AFF3: variants seen among roughly 807,000 people sequenced by gnomAD.
The protein encoded by AFF3 is AF4/FMR2 family member 3.
Under a neutral mutation model 129.7 loss-of-function variants are expected in AFF3, and 32 were observed. That is an observed-to-expected ratio of 0.25 (90% CI 0.19 to 0.33). The LOEUF is 0.33. Ranked by LOEUF, AFF3 falls within the 10% of genes least tolerant of loss-of-function variation. AFF3 has a pLI of 1.00. For synonymous variants in AFF3, 644 were observed against 635.4 expected (o/e 1.01, Z -0.20); for missense variants, 1,373 against 1,592.0 (o/e 0.86, Z 2.34).
At chr2:99,563,734 C>T (rs1214336103) in intron 20 of AFF3, among the ~76,000 whole-genome samples, 3 of 129,672 alleles carry the variant, frequency 2.3e-5, no homozygotes, top group South Asian at 2.6e-4. Context: ...CACTTGAACT[C>T]GGGAGGCAGA....
chr2:99,795,180 C>T (rs1216405280), intron 8 of AFF3, among the ~76,000 whole-genome samples: 1 of 152,140 alleles, frequency 6.6e-6, no homozygotes, highest in African/African-American at 2.4e-5. Flanking sequence ...TATAAACACA[C>T]ACACACACAC....
intron 7 of AFF3, among the ~76,000 whole-genome samples, chr2:99,992,004 T>G (rs1231548392): frequency 6.6e-6 from 1 of 151,842 alleles, no homozygotes; most frequent in Non-Finnish European, 1.5e-5. Flanking sequence ...GCATAGCCAA[T>G]TTCAAAGATT....
In AFF3 at chr2:99,616,673, T is replaced by C. The variant is rs918958683; in HGVS notation, c.1185-15052A>G. On this transcript the variant is annotated intron_variant, in intron 13 of 24. Transcript: ENST00000672756. ...CGGGAGGCTGAGACAGGAGAATCGC[T>C]TGAACCCAGGAGGTGGAGGTTGCAG... 1.2e-4 allele frequency among the ~76,000 whole-genome samples: 18 copies of C among 152,076 alleles called. 1 individual carries two copies. The highest frequency in any genetic ancestry group is 4.3e-4 in the African/African-American group (18 of 41,414).
rs556857733 is a variant in AFF3, at chr2:99,562,205, T to C, written c.3120-1769A>G. 1.1e-3 allele frequency among the ~76,000 whole-genome samples: 164 copies of C among 152,368 alleles called. 2 individuals carry two copies. The highest frequency in any genetic ancestry group is 3.8e-3 in the African/African-American group (160 of 41,594). ...CTTAAATCTGTAGGTTTATGTCTTT[T>C]GACAAATTTGGCAAGTTTCAGCCAT... On this transcript the variant is annotated intron_variant, in intron 20 of 24. Coordinates refer to ENST00000672756, the MANE Select transcript of AFF3 (RefSeq NM_001386135.1).
At chr2:99,827,674 C>T (rs1309247238) in intron 8 of AFF3, among the ~76,000 whole-genome samples, 1 of 151,780 alleles carries the variant, frequency 6.6e-6, no homozygotes, top group Non-Finnish European at 1.5e-5. Flanking sequence ...TATATACACA[C>T]ACATACATAT....
At chr2:99,926,908 T>C (rs1387856148) in intron 7 of AFF3, among the ~76,000 whole-genome samples, 1 of 151,980 alleles carries the variant, frequency 6.6e-6, no homozygotes. Context: ...TGCCCCCAAA[T>C]GTAAATCTCC....
At chr2:99,872,386 T>C (rs1691936076) in intron 7 of AFF3, among the ~76,000 whole-genome samples, 1 of 151,816 alleles carries the variant, frequency 6.6e-6, no homozygotes, top group Non-Finnish European at 1.5e-5. Context: ...TTTCAAACGA[T>C]GTGGAGACAA....
At chr2:99,918,165 A>AT (rs767621019) in intron 7 of AFF3, among the ~76,000 whole-genome samples, 8 of 152,104 alleles carry the variant, frequency 5.3e-5, no homozygotes, top group African/African-American at 9.7e-5. Context: ...AATATGGTGC[A>AT]TTTTTCCCCC....
intron 8 of AFF3, among the ~76,000 whole-genome samples, chr2:99,755,058 A>C (rs997767702): frequency 2.0e-5 from 3 of 152,082 alleles, no homozygotes; most frequent in Non-Finnish European, 2.9e-5. Flanking sequence ...ACCCAACCTC[A>C]AAAGCAATAT....
At chr2:99,973,641 G>A (rs115284813) in intron 7 of AFF3, among the ~76,000 whole-genome samples, 147 of 151,682 alleles carry the variant, frequency 9.7e-4, no homozygotes, top group Admixed American at 2.6e-3. Flanking sequence ...CCAATTGCCT[G>A]ATTCTAATTT....
At chr2:99,728,414 C>G (rs916420291) in intron 10 of AFF3, among the ~76,000 whole-genome samples, 6 of 152,188 alleles carry the variant, frequency 3.9e-5, no homozygotes, top group African/African-American at 1.4e-4. Context: ...CTTGGGCCCA[C>G]ACATTGTACC....
chr2:99,569,000 A>C, intron 18 of AFF3, 85 bp from the exon 19 acceptor site: 1 of 1,342,618 alleles, frequency 7.4e-7, no homozygotes, highest in Non-Finnish European at 1.1e-6. Flanking sequence ...CTCAAACTTA[A>C]GGCACAATTT....
intron 7 of AFF3, among the ~76,000 whole-genome samples, chr2:99,861,021 T>C (rs1225556173): frequency 6.6e-6 from 1 of 152,182 alleles, no homozygotes; most frequent in East Asian, 1.9e-4. Flanking sequence ...TTTGTACCCT[T>C]AACCAACAGC....
At chr2:99,632,452 G>A (rs893039406) in intron 13 of AFF3, among the ~76,000 whole-genome samples, 1 of 152,180 alleles carries the variant, frequency 6.6e-6, no homozygotes, top group African/African-American at 2.4e-5. Flanking sequence ...GGCACCACCT[G>A]TAATTATACA....
chr2:99,900,823 T>C lies in AFF3; in HGVS notation c.874-63299A>G, dbSNP rs567490827. 7.6e-4 allele frequency among the ~76,000 whole-genome samples: 116 copies of C among 152,294 alleles called. 1 individual carries two copies. Among genetic ancestry groups the C allele is most frequent in the South Asian group, 1.7e-3 (8 of 4,818 alleles). ...GTACAGTCAAAGGGGGAAATGCCCATGACGAAAGGCTGTCTGGCAGGTTTG... is the reference window on the plus strand; with the variant it reads ...GTACAGTCAAAGGGGGAAATGCCCACGACGAAAGGCTGTCTGGCAGGTTTG... On this transcript the variant is annotated intron_variant, in intron 7 of 24. Coordinates refer to ENST00000672756, the MANE Select transcript of AFF3 (RefSeq NM_001386135.1).
At position 99,593,199 on chromosome 2, in the gene AFF3, C is replaced by T. The variant is rs1405734812; in HGVS notation, c.2462G>A (p.Arg821His). ...CCCAGTCAGCCCCAGGCCTACCTTG[C>T]GTTTCCTCTTGGATTTTGGCAAAGC... The part of the protein sequence containing the change: ...EKALPKSKRK[R>H]KCDNEDDYRE... Residue 821 changes from arginine to histidine, a missense_variant, in exon 15 of 25, where the codon CGC becomes CAC. This residue lies in a region of AFF3 where 466 missense variants were observed against 505.0 expected (regional missense o/e 0.92). Transcript: ENST00000672756. 1.3e-6 allele frequency: 2 copies of T among 1,575,148 alleles called. No individual in the cohort carries two copies. The highest frequency in any genetic ancestry group is 1.8e-5 in the Admixed American group (1 of 56,702).
chr2:99,911,441 A>G (rs1329867898), intron 7 of AFF3, among the ~76,000 whole-genome samples: 9 of 151,954 alleles, frequency 5.9e-5, no homozygotes, highest in Non-Finnish European at 1.3e-4. Flanking sequence ...AGGGACAGGC[A>G]GTGCAAAGGA....
intron 8 of AFF3, among the ~76,000 whole-genome samples, chr2:99,787,165 G>T (rs1401132936): frequency 6.6e-6 from 1 of 152,130 alleles, no homozygotes; most frequent in African/African-American, 2.4e-5. Flanking sequence ...GATGGCAGCG[G>T]GAGGCCACGG....
intron 8 of AFF3, among the ~76,000 whole-genome samples, chr2:99,826,714 A>G (rs1688107661): frequency 6.6e-6 from 1 of 152,064 alleles, no homozygotes; most frequent in Admixed American, 6.6e-5. Flanking sequence ...AAGCATACGC[A>G]CGGCCACAGC....
Sources: gnomAD v4.1 joint callset for allele counts (sites outside exome capture counted in the v4.1 genomes callset) on GRCh38, gnomAD v4.1.1 for gene constraint, gnomAD v4.1.1 regional missense constraint, MANE v1.5 for transcripts, NCBI Gene and HGNC (gene_info 2026-07-23, HGNC 2026-07-21) for gene names.